Variants in DAZL observed in about 807,000 individuals in gnomAD.
The protein encoded by DAZL is deleted in azoospermia like, also known as deleted in azoospermia-like.
A neutral mutation model predicts 45.0 loss-of-function variants in DAZL; 4 were observed. That is an observed-to-expected ratio of 0.09 (90% CI 0.04 to 0.20). The LOEUF is 0.20. Ranked by LOEUF, DAZL falls within the 10% of genes least tolerant of loss-of-function variation. The pLI is 1.00. For synonymous variants in DAZL, 122 were observed against 112.4 expected (o/e 1.09, Z -0.54); for missense variants, 326 against 351.3 (o/e 0.93, Z 0.58).
intron 10 of DAZL, 115 bp from the exon 11 acceptor site, chr3:16,588,828 A>G: frequency 1.2e-6 from 1 of 802,058 alleles, no homozygotes; most frequent in Non-Finnish European, 2.2e-6. Flanking sequence ...ATTATAAATA[A>G]TGAGAAAAAA....
At chr3:16,599,981 A>G (rs1205310155) in intron 1 of DAZL, among the ~76,000 whole-genome samples, 1 of 152,122 alleles carries the variant, frequency 6.6e-6, no homozygotes, top group Non-Finnish European at 1.5e-5. Flanking sequence ...GTGTCCTGTT[A>G]TTTGAATTTA....
Position 16,587,940 on chromosome 3 carries a change from A to C in DAZL, c.*720T>G. 1 of 161,546 alleles carries C rather than the reference A, an allele frequency of 6.2e-6. No individual in the cohort carries two copies. Among genetic ancestry groups the C allele is most frequent in the Non-Finnish European group, 1.3e-5 (1 of 76,030 alleles). The allele number at this position is 161,546 out of a possible 1,614,324, so 10.0% of individuals were successfully genotyped here. A position where few individuals can be genotyped will look rare whatever the true frequency, so the allele number is the denominator to read the frequency against. On this transcript the variant is annotated 3_prime_UTR_variant, in exon 11 of 11. Transcript: ENST00000399444. ...AGAATGGTGACTCATTGAGAAGCTT[A>C]TGTACCTAGTAAAGTTTAGTTTGTC...
At chr3:16,603,761 C>T (rs1463707458) in intron 1 of DAZL, among the ~76,000 whole-genome samples, 1 of 152,156 alleles carries the variant, frequency 6.6e-6, no homozygotes. Flanking sequence ...ACAATGCCCA[C>T]ATCAATTGAA....
In DAZL at chr3:16,596,949, C is replaced by A. The variant is rs1028060438; in HGVS notation, c.358+39G>T. 10 of 1,612,826 alleles carry A rather than the reference C, an allele frequency of 6.2e-6. No homozygotes were observed. The East Asian group carries it at 8.9e-5, about 14-fold the overall frequency. On this transcript the variant is annotated intron_variant, in intron 5 of 10. Transcript: ENST00000399444. ...AGTTCTTTGAAAAGCTACACAATTT[C>A]TTTTATGTTTAAAAAGAACAATTTC...
rs1049573014 is a variant in DAZL, at chr3:16,587,064, T to C, written c.*1596A>G. 1.3e-5 allele frequency: 2 copies of C among 152,154 alleles called. No homozygotes were observed. Among genetic ancestry groups the C allele is most frequent in the African/African-American group, 2.4e-5 (1 of 41,442 alleles). 9.4% of individuals were successfully genotyped at this position (152,154 alleles called of 1,614,324 possible). ...CTGGAGATTTAATCACAGAATGATA[T>C]GTGTCAGAATGTTATAGCACCAAAA... is the stretch of plus-strand genomic sequence containing the variant. On this transcript the variant is annotated 3_prime_UTR_variant, in exon 11 of 11. Transcript: ENST00000399444.
chr3:16,597,110 T>C, intron 4 of DAZL, 59 bp from the exon 5 acceptor site: 1 of 1,517,458 alleles, frequency 6.6e-7, no homozygotes, highest in East Asian at 2.3e-5. Context: ...TTCCAAGACT[T>C]GGATGAACAC....
intron 9 of DAZL, among the ~76,000 whole-genome samples, chr3:16,593,212 T>C (rs969477903): frequency 3.3e-5 from 5 of 152,214 alleles, no homozygotes; most frequent in African/African-American, 1.2e-4. Flanking sequence ...TTTATTGAAG[T>C]ATGGTTTTTA....
intron 10 of DAZL, among the ~76,000 whole-genome samples, chr3:16,591,398 C>A (rs570186077): frequency 1.3e-5 from 2 of 151,366 alleles, no homozygotes; most frequent in Non-Finnish European, 2.9e-5. Flanking sequence ...CTGAGTAAAC[C>A]ATTTCTTTTC....
chr3:16,604,502 TCAG>T (rs1244854094), intron 1 of DAZL: 1 of 1,518,906 alleles, frequency 6.6e-7, no homozygotes, highest in Non-Finnish European at 8.8e-7. Context: ...GGAGCCGCCA[TCAG>T]CAAGTCCCCC....
intron 1 of DAZL, chr3:16,604,870 C>G (rs1694753338): frequency 2.8e-6 from 2 of 712,460 alleles, no homozygotes; most frequent in African/African-American, 3.6e-5. Flanking sequence ...GGGGAACCCG[C>G]ACCCCAAACC....
intron 1 of DAZL, chr3:16,604,791 G>A: frequency 7.4e-7 from 1 of 1,356,614 alleles, no homozygotes. Context: ...GCGTGGGAGT[G>A]GGGGAGGGGC....
At chr3:16,598,715 AAGTT>A (rs1364438254) in intron 1 of DAZL, 117 bp from the exon 2 acceptor site, 42 of 1,165,958 alleles carry the variant, frequency 3.6e-5, no homozygotes, top group Admixed American at 1.6e-4. Flanking sequence ...CTTTCATTCT[AAGTT>A]AGTTCAGGCT....
intron 1 of DAZL, 114 bp downstream of exon 1, chr3:16,605,089 C>G (rs1420073742): frequency 1.5e-6 from 2 of 1,347,994 alleles, no homozygotes; most frequent in Admixed American, 1.7e-5. Flanking sequence ...CAGGCAGGTG[C>G]CCCCCAAACA....
chr3:16,605,218 C>T lies in DAZL; in HGVS notation c.-13G>A, dbSNP rs781192170. On this transcript the variant is annotated 5_prime_UTR_variant, in exon 1 of 11. Coordinates refer to ENST00000399444, the MANE Select transcript of DAZL (RefSeq NM_001351.4). ...CTCAACTCACCATGATGGCGGCAGG[C>T]AGCAGTTCCCGACCGGCTCCAGGAG... 2 of 1,614,198 alleles carry T rather than the reference C, an allele frequency of 1.2e-6. No individual in the cohort carries two copies. Among genetic ancestry groups the T allele is most frequent in the Non-Finnish European group, 1.7e-6 (2 of 1,179,996 alleles).
chr3:16,596,902 C>CA lies in DAZL; in HGVS notation c.359-14dup. On this transcript the variant is annotated splice_polypyrimidine_tract_variant and intron_variant, in intron 5 of 10. Transcript: ENST00000399444. ...ACATGATAAGCACCTTTTTGAAAAG[C>CA]AAAAAGAAAAGGCCTATTTTTAGTT... The CA allele has an allele frequency of 6.2e-7, 1 of 1,613,368 alleles. No individual in the cohort carries two copies. The highest frequency in any genetic ancestry group is 1.3e-5 in the African/African-American group (1 of 74,952).
At chr3:16,595,571 G>C (rs1443427680) in intron 6 of DAZL, among the ~76,000 whole-genome samples, 186 bp from the exon 7 acceptor site, 4 of 151,964 alleles carry the variant, frequency 2.6e-5, no homozygotes, top group Admixed American at 2.6e-4. Context: ...GTTACCCTTT[G>C]GGTGGGGAGG....
intron 10 of DAZL, among the ~76,000 whole-genome samples, chr3:16,590,676 C>A (rs1386107553): frequency 6.6e-6 from 1 of 152,040 alleles, no homozygotes. Flanking sequence ...ATAATAGCCA[C>A]AAATAAAAAG....
intron 8 of DAZL, 34 bp from the exon 9 acceptor site, chr3:16,593,802 G>C (rs775453554): frequency 1.1e-5 from 15 of 1,328,814 alleles, no homozygotes; most frequent in Middle Eastern, 1.8e-4. Flanking sequence ...TAATTAAACA[G>C]ATATACAGAT....
intron 1 of DAZL, among the ~76,000 whole-genome samples, chr3:16,604,272 G>GGTGGCGCTGAA (rs996354220): frequency 9.9e-5 from 15 of 152,154 alleles, no homozygotes; most frequent in African/African-American, 3.6e-4. Flanking sequence ...TGCATCTTGT[G>GGTGGCGCTGAA]GTGGCGCTGA....
Sources: gnomAD v4.1 joint callset for allele counts (sites outside exome capture counted in the v4.1 genomes callset) on GRCh38, gnomAD v4.1.1 for gene constraint, MANE v1.5 for transcripts, NCBI Gene and HGNC (gene_info 2026-07-23, HGNC 2026-07-21) for gene names.